Variants in ROBO2 observed in about 807,000 individuals in gnomAD.
The protein encoded by ROBO2 is roundabout guidance receptor 2.
Under a neutral mutation model 160.8 loss-of-function variants are expected in ROBO2, and 53 were observed. The ratio of observed to expected loss-of-function variants is 0.33; its 90% CI spans 0.26 to 0.41. The LOEUF is 0.41. Ranked by LOEUF, ROBO2 falls within the 10% of genes least tolerant of loss-of-function variation. The pLI is 1.00. For synonymous variants in ROBO2, 664 were observed against 611.7 expected, an observed-to-expected ratio of 1.09 and a Z score of -1.26; for missense variants, 1,577 against 1,722.4, an observed-to-expected ratio of 0.92 and a Z score of 1.49.
intron 2 of ROBO2, among the ~76,000 whole-genome samples, chr3:77,258,681 C>T (rs911194422): frequency 1.9e-4 from 29 of 151,648 alleles, no homozygotes; most frequent in African/African-American, 7.0e-4. Flanking sequence ...CCTTTCAACA[C>T]TTCCTTTTGC....
chr3:77,172,464 C>T (rs1003032962), intron 2 of ROBO2, among the ~76,000 whole-genome samples: 4 of 152,068 alleles, frequency 2.6e-5, no homozygotes, highest in Admixed American at 6.5e-5. Flanking sequence ...GTGCAAATAA[C>T]GGTATGAAAA....
chr3:77,188,235 C>T (rs1319601652), intron 2 of ROBO2, among the ~76,000 whole-genome samples: 4 of 151,648 alleles, frequency 2.6e-5, no homozygotes, highest in Non-Finnish European at 5.9e-5. Context: ...GGGTAAAAGC[C>T]AACTAAATGG....
At chr3:76,413,991 A>T (rs1275500633) in intron 2 of ROBO2, among the ~76,000 whole-genome samples, 1 of 152,216 alleles carries the variant, frequency 6.6e-6, no homozygotes, top group Admixed American at 6.5e-5. Flanking sequence ...CCTCAGAATC[A>T]TGGCAGGAGG....
exon 9 of ROBO2, chr3:77,558,011 T>C: frequency 1.2e-6 from 2 of 1,612,956 alleles, no homozygotes; most frequent in East Asian, 4.5e-5. Context: ...CAGTGGATGG[T>C]ACAGCGTTAC....
At chr3:76,444,928 G>C (rs913047799) in intron 2 of ROBO2, among the ~76,000 whole-genome samples, 1 of 152,002 alleles carries the variant, frequency 6.6e-6, no homozygotes, top group Admixed American at 6.6e-5. Context: ...AAAATTATAT[G>C]CAGGCATTCA....
intron 2 of ROBO2, among the ~76,000 whole-genome samples, chr3:77,338,341 T>G (rs1327589692): frequency 6.6e-6 from 1 of 152,160 alleles, no homozygotes; most frequent in Non-Finnish European, 1.5e-5. Flanking sequence ...TGGTCAGACT[T>G]TCAACACGTA....
intron 2 of ROBO2, among the ~76,000 whole-genome samples, chr3:76,675,845 G>C (rs1295611176): frequency 1.3e-5 from 2 of 152,082 alleles, no homozygotes; most frequent in Admixed American, 6.5e-5. Context: ...ATTCATGTTT[G>C]TTTCTGCATT....
chr3:76,353,285 A>G (rs2074981660), intron 2 of ROBO2, among the ~76,000 whole-genome samples: 1 of 151,956 alleles, frequency 6.6e-6, no homozygotes, highest in Non-Finnish European at 1.5e-5. Flanking sequence ...ATGGTACAAT[A>G]TGGTTTTGTG....
At chr3:75,969,418 T>C (rs1278799531) in intron 2 of ROBO2, among the ~76,000 whole-genome samples, 2 of 151,522 alleles carry the variant, frequency 1.3e-5, no homozygotes, top group Non-Finnish European at 3.0e-5. Context: ...TTCAGTTCCT[T>C]TGGGTATGTA....
Position 77,329,764 on chromosome 3 carries a change from C to T in ROBO2, c.389-147650C>T, listed in dbSNP as rs566245385. ...AAGGATTCAGGCAGACTACATAATT[C>T]GTTAGAATACACTGACTGTGTTGAC... On this transcript the variant is annotated intron_variant, in intron 2 of 25. Coordinates refer to ENST00000461745, the Ensembl canonical transcript of ROBO2. 7.9e-5 allele frequency among the ~76,000 whole-genome samples: 12 copies of T among 152,264 alleles called. No homozygotes were observed. The East Asian group carries it at 1.4e-3, about 17-fold the overall frequency.
intron 2 of ROBO2, among the ~76,000 whole-genome samples, chr3:77,340,660 A>G (rs999562989): frequency 1.4e-4 from 21 of 152,144 alleles, no homozygotes; most frequent in African/African-American, 4.6e-4. Flanking sequence ...TAGGAGCCAT[A>G]TGTTCAAAAT....
Position 77,099,022 on chromosome 3 carries a change from T to G in ROBO2, c.388+682T>G, listed in dbSNP as rs547819398. Among the ~76,000 whole-genome samples the G allele has an allele frequency of 6.1e-4, 93 of 151,926 alleles. 1 individual carries two copies. Among genetic ancestry groups the G allele is most frequent in the African/African-American group, 2.1e-3 (87 of 41,502 alleles). ...ATATTTTCTCCTAAATAATAGCTCATGGGCCTGTGTCTTTCTTTTGGTAAA... is the reference window on the plus strand; with the variant it reads ...ATATTTTCTCCTAAATAATAGCTCAGGGGCCTGTGTCTTTCTTTTGGTAAA... On this transcript the variant is annotated intron_variant, in intron 2 of 25. Transcript: ENST00000461745.
At chr3:76,944,994 T>G (rs1453286286) in intron 2 of ROBO2, among the ~76,000 whole-genome samples, 2 of 152,006 alleles carry the variant, frequency 1.3e-5, no homozygotes, top group African/African-American at 4.8e-5. Flanking sequence ...GTTCACGCCA[T>G]TCTCCTGCCT....
intron 2 of ROBO2, among the ~76,000 whole-genome samples, chr3:75,953,217 T>C (rs992714072): frequency 1.3e-5 from 2 of 151,958 alleles, no homozygotes; most frequent in Non-Finnish European, 2.9e-5. Flanking sequence ...AGCTGTACTA[T>C]TCTGCATTCT....
intron 2 of ROBO2, among the ~76,000 whole-genome samples, chr3:76,084,767 A>G (rs1184494733): frequency 1.3e-5 from 2 of 152,120 alleles, no homozygotes; most frequent in African/African-American, 4.8e-5. Flanking sequence ...TTACCACCTT[A>G]CAGAATGAAA....
intron 19 of ROBO2, 42 bp from the exon 21 acceptor site, chr3:77,602,168 G>A (rs549618825): frequency 2.5e-5 from 41 of 1,608,308 alleles, no homozygotes; most frequent in Middle Eastern, 1.7e-4. Flanking sequence ...TTGGGCTTCC[G>A]GTGCCTCATT....
At chr3:76,408,292 A>T (rs1172329147) in intron 2 of ROBO2, among the ~76,000 whole-genome samples, 3 of 152,106 alleles carry the variant, frequency 2.0e-5, no homozygotes, top group Non-Finnish European at 4.4e-5. Flanking sequence ...GTAACAGTGC[A>T]GAGGCAGTTA....
At chr3:76,351,309 T>C (rs1209524492) in intron 2 of ROBO2, among the ~76,000 whole-genome samples, 2 of 152,074 alleles carry the variant, frequency 1.3e-5, no homozygotes, top group Admixed American at 6.6e-5. Flanking sequence ...TCTTACTTTT[T>C]TTATGGTGCT....
At chr3:76,049,403 A>ATATATATTTTTTTTTT in intron 2 of ROBO2, among the ~76,000 whole-genome samples, 1 of 53,762 alleles carries the variant, frequency 1.9e-5, no homozygotes, top group Non-Finnish European at 2.7e-5. Flanking sequence ...ATATATATAT[A>ATATATATTTTTTTTTT]TTTTTTTTTT....
Sources: allele counts gnomAD v4.1 joint callset (sites outside exome capture counted in the v4.1 genomes callset), GRCh38; gene constraint gnomAD v4.1.1; transcripts MANE v1.5; gene names NCBI Gene and HGNC (gene_info 2026-07-23, HGNC 2026-07-21).